KCNIP4: variants seen among roughly 807,000 people sequenced by gnomAD.
KCNIP4 encodes potassium voltage-gated channel interacting protein 4.
Under a neutral mutation model 34.0 loss-of-function variants are expected in KCNIP4, and 12 were observed. That is an observed-to-expected ratio of 0.35 (90% CI 0.23 to 0.57). KCNIP4 has a LOEUF of 0.57. KCNIP4 is among the 20% of genes least tolerant of loss of function. The pLI is 0.83. For missense variants in KCNIP4, 238 were observed against 311.7 expected, an observed-to-expected ratio of 0.76 and a Z score of 1.78; for synonymous variants, 124 against 102.2, an observed-to-expected ratio of 1.21 and a Z score of -1.29.
intron 1 of KCNIP4, among the ~76,000 whole-genome samples, chr4:21,073,270 A>G (rs1353226376): frequency 6.6e-6 from 1 of 152,140 alleles, no homozygotes; most frequent in Non-Finnish European, 1.5e-5. Flanking sequence ...GATTCTTCCT[A>G]CCCATGAGCA....
intron 1 of KCNIP4, among the ~76,000 whole-genome samples, chr4:21,756,135 T>C (rs1717501556): frequency 6.6e-6 from 1 of 152,242 alleles, no homozygotes; most frequent in Non-Finnish European, 1.5e-5. Flanking sequence ...CTCTTTTTCT[T>C]TCCCAATTCC....
chr4:21,714,816 T>C (rs191489907), intron 1 of KCNIP4, among the ~76,000 whole-genome samples: 2,326 of 3,734 alleles, frequency 0.62, 595 homozygotes, highest in South Asian at 0.65. Context: ...TTTATTTTAT[T>C]TTATTTTATT....
chr4:20,962,018 G>T (rs1433801496), intron 1 of KCNIP4, among the ~76,000 whole-genome samples: 2 of 152,056 alleles, frequency 1.3e-5, no homozygotes, highest in Admixed American at 1.3e-4. Context: ...AACCACCCTG[G>T]CATCACTTGA....
At chr4:20,886,248 C>T (rs930381606) in intron 1 of KCNIP4, among the ~76,000 whole-genome samples, 7 of 151,992 alleles carry the variant, frequency 4.6e-5, no homozygotes, top group Non-Finnish European at 8.8e-5. Flanking sequence ...AAGAAAAATC[C>T]CAGAGGTGTG....
At chr4:21,647,027 G>C (rs1235878235) in intron 1 of KCNIP4, among the ~76,000 whole-genome samples, 2 of 152,052 alleles carry the variant, frequency 1.3e-5, no homozygotes, top group African/African-American at 4.8e-5. Flanking sequence ...TTTTGTAATT[G>C]AAAGTGAATA....
At chr4:21,449,937 A>G (rs1353887031) in intron 1 of KCNIP4, among the ~76,000 whole-genome samples, 1 of 152,102 alleles carries the variant, frequency 6.6e-6, no homozygotes, top group Non-Finnish European at 1.5e-5. Flanking sequence ...ACCCTCTTAC[A>G]TGTCTATTTA....
chr4:21,604,290 T>A (rs983189107), intron 1 of KCNIP4, among the ~76,000 whole-genome samples: 2 of 152,298 alleles, frequency 1.3e-5, no homozygotes, highest in Admixed American at 6.5e-5. Flanking sequence ...TACTTTTTGC[T>A]GTGTCTAAAT....
At chr4:21,720,003 AAAG>A (rs1206806624) in intron 1 of KCNIP4, among the ~76,000 whole-genome samples, 16 of 108,880 alleles carry the variant, frequency 1.5e-4, no homozygotes, top group Non-Finnish European at 2.9e-4. Context: ...AAGAAAAGAA[AAAG>A]AAGAAGAAGA....
intron 3 of KCNIP4, among the ~76,000 whole-genome samples, chr4:20,809,818 C>T (rs1005121445): frequency 6.6e-6 from 1 of 152,174 alleles, no homozygotes; most frequent in African/African-American, 2.4e-5. Flanking sequence ...TGCAGCTCAT[C>T]TCAGGAGTCT....
chr4:21,380,456 GGGGA>G (rs778789417), intron 1 of KCNIP4, among the ~76,000 whole-genome samples: 27,313 of 140,110 alleles, frequency 0.19, 3,419 homozygotes, highest in Non-Finnish European at 0.28. Flanking sequence ...AGAGGGAGAG[GGGGA>G]GAGAGAGAGA....
chr4:21,339,403 C>A (rs1292345787), intron 1 of KCNIP4, among the ~76,000 whole-genome samples: 1 of 152,172 alleles, frequency 6.6e-6, no homozygotes, highest in East Asian at 1.9e-4. Flanking sequence ...CACTTACTAG[C>A]AGCTTACAAA....
At chr4:21,630,160 G>A (rs747469869) in intron 1 of KCNIP4, among the ~76,000 whole-genome samples, 8 of 150,680 alleles carry the variant, frequency 5.3e-5, no homozygotes, top group East Asian at 4.1e-4. Context: ...CACCATACCC[G>A]GCCAACATAT....
At chr4:21,362,497 C>A (rs1719330493) in intron 1 of KCNIP4, among the ~76,000 whole-genome samples, 1 of 152,138 alleles carries the variant, frequency 6.6e-6, no homozygotes, top group Non-Finnish European at 1.5e-5. Flanking sequence ...TATGTTTCTT[C>A]CAGTTCTAGC....
chr4:21,511,893 G>A (rs915848851), intron 1 of KCNIP4, among the ~76,000 whole-genome samples: 1 of 151,978 alleles, frequency 6.6e-6, no homozygotes, highest in Admixed American at 6.6e-5. Context: ...GACTTAATTT[G>A]ATTTTGTGTT....
intron 8 of KCNIP4, among the ~76,000 whole-genome samples, chr4:20,730,717 G>T (rs1164269247): frequency 6.6e-6 from 1 of 152,184 alleles, no homozygotes; most frequent in African/African-American, 2.4e-5. Context: ...AAGAATTGGG[G>T]AGCAGAAACC....
intron 1 of KCNIP4, among the ~76,000 whole-genome samples, chr4:21,493,295 A>G (rs1000281610): frequency 2.0e-5 from 3 of 152,060 alleles, no homozygotes; most frequent in African/African-American, 7.2e-5. Context: ...TCTTAGCTGA[A>G]GTGCCATTAG....
At chr4:20,758,246 TTAAAA>T (rs1414131113) in intron 4 of KCNIP4, among the ~76,000 whole-genome samples, 1 of 152,198 alleles carries the variant, frequency 6.6e-6, no homozygotes, top group African/African-American at 2.4e-5. Flanking sequence ...TTCTTTCCAA[TTAAAA>T]TAATATCTAG....
intron 1 of KCNIP4, among the ~76,000 whole-genome samples, chr4:21,312,003 A>G (rs1362638093): frequency 6.6e-6 from 1 of 152,128 alleles, no homozygotes; most frequent in African/African-American, 2.4e-5. Context: ...CCATGACTAG[A>G]CAATATCCTT....
intron 1 of KCNIP4, among the ~76,000 whole-genome samples, chr4:21,084,618 C>A (rs1746263150): frequency 6.7e-6 from 1 of 149,210 alleles, no homozygotes; most frequent in South Asian, 2.2e-4. Flanking sequence ...CTAGCTGGTA[C>A]CTTGCAGGAC....
Sources: allele counts gnomAD v4.1 joint callset (sites outside exome capture counted in the v4.1 genomes callset), GRCh38; gene constraint gnomAD v4.1.1; transcripts MANE v1.5; gene names NCBI Gene and HGNC (gene_info 2026-07-23, HGNC 2026-07-21).